The following TNNI2 variants were observed in gnomAD, a reference collection of about 807,000 sequenced individuals.
TNNI2 encodes the protein troponin I2, fast skeletal type.
Under a neutral mutation model 26.5 loss-of-function variants are expected in TNNI2, and 14 were observed. The ratio of observed to expected loss-of-function variants is 0.53; its 90% confidence interval spans 0.35 to 0.83. The LOEUF is 0.83. Ranked by LOEUF, TNNI2 falls within the 40% of genes least tolerant of loss-of-function variation. The pLI is 0.01. For synonymous variants in TNNI2, 126 were observed against 97.6 expected (o/e 1.29, Z -1.71); for missense variants, 205 against 248.5 (o/e 0.82, Z 1.18).
chr11:1,839,579 C>T (rs1847118145), intron 1 of TNNI2, 96 bp from the exon 2 acceptor site: 2 of 1,342,686 alleles, frequency 1.5e-6, no homozygotes, highest in Non-Finnish European at 2.1e-6. Flanking sequence ...AGGGGGCTGT[C>T]ATCAGGAGCC....
Position 1,841,559 on chromosome 11 carries a change from G to A in TNNI2, c.*8G>A, listed in dbSNP as rs770122157. The A allele has an allele frequency of 1.3e-5, 21 of 1,613,504 alleles. No homozygotes were observed. The highest frequency in any genetic ancestry group is 1.6e-4 in the Middle Eastern group (1 of 6,062). Reference sequence around the variant, plus strand: ...TTTGAGTCCGAGTCCTAGGCCACTCGCTGCCCCTACGCCTGCCCCGGTGCC... The same window carrying A: ...TTTGAGTCCGAGTCCTAGGCCACTCACTGCCCCTACGCCTGCCCCGGTGCC... On this transcript the variant is annotated 3_prime_UTR_variant, in exon 8 of 8. Coordinates refer to ENST00000381911, the MANE Select transcript of TNNI2 (RefSeq NM_003282.4).
At position 1,841,171 on chromosome 11, in the gene TNNI2, C is replaced by T. The variant is rs1157017999; in HGVS notation, c.417C>T (p.Ala139=). ...ACAAGGTGTGCATGGACCTGAGGGC[C>T]AACCTGAAGCAGGTCAAGAAGGAGG... The part of the protein sequence containing the change: ...SKHKVCMDLR[A]NLKQVKKEDT... Residue 139 remains alanine, a synonymous_variant, in exon 7 of 8, where the codon GCC becomes GCT. Transcript: ENST00000381911. The T allele has an allele frequency of 1.9e-6, 3 of 1,613,034 alleles. No individual in the cohort carries two copies. The Admixed American group carries it at 5.0e-5, about 27-fold the overall frequency.
chr11:1,840,533 G>A lies in TNNI2; in HGVS notation c.63G>A (p.Val21=). ...CACCGCCTGCCCCACCGCAGAGTGT[G>A]ATGCTGCAGATAGCGGCCACGGAGC... ...ITARRQHLKS[V]MLQIAATELE... The change falls in exon 5 of 8, where the codon GTG becomes GTA. Residue 21 remains valine, a synonymous_variant. Coordinates refer to ENST00000381911, the MANE Select transcript of TNNI2 (RefSeq NM_003282.4). 1 of 1,612,298 alleles carries A rather than the reference G, an allele frequency of 6.2e-7. No individual in the cohort carries two copies. Among genetic ancestry groups the A allele is most frequent in the Non-Finnish European group, 8.5e-7 (1 of 1,179,712 alleles).
At chr11:1,840,122 C>A (rs567325441) in intron 3 of TNNI2, 15 of 1,323,070 alleles carry the variant, frequency 1.1e-5, no homozygotes, top group Non-Finnish European at 1.5e-5. Context: ...CCCGCCCCCA[C>A]CTCACCGGCC....
intron 1 of TNNI2, chr11:1,839,431 A>G: frequency 3.3e-6 from 1 of 303,174 alleles, no homozygotes; most frequent in Non-Finnish European, 6.7e-6. Context: ...CCTCGGGGAC[A>G]GCTGCAGCTC....
At position 1,841,180 on chromosome 11, in the gene TNNI2, G is replaced by A. The variant is rs1266299899; in HGVS notation, c.426G>A (p.Lys142=). 6.2e-7 allele frequency: 1 copy of A among 1,612,964 alleles called. No homozygotes were observed. The highest frequency in any genetic ancestry group is 8.5e-7 in the Non-Finnish European group (1 of 1,179,998). The change falls in exon 7 of 8, where the codon AAG becomes AAA. Residue 142 remains lysine (K), a synonymous_variant. Transcript: ENST00000381911. The part of the protein sequence containing the change: ...KVCMDLRANL[K]QVKKEDTEKE... ...GCATGGACCTGAGGGCCAACCTGAA[G>A]CAGGTCAAGAAGGAGGACACAGAGA...
intron 3 of TNNI2, chr11:1,840,102 T>G: frequency 1.0e-5 from 12 of 1,183,926 alleles, no homozygotes; most frequent in Middle Eastern, 1.9e-4. Context: ...TCTTTCTGAT[T>G]CCTGCACTTC....
chr11:1,841,211 C>G lies in TNNI2; in HGVS notation c.453+4C>G, dbSNP rs772401774. On this transcript the variant is annotated splice_donor_region_variant and intron_variant, in intron 7 of 7. Coordinates refer to ENST00000381911, the MANE Select transcript of TNNI2 (RefSeq NM_003282.4). ...CAAGAAGGAGGACACAGAGAAGGTG[C>G]GTGCCACGGGGGGAGCACCACCACA... is the stretch of plus-strand genomic sequence containing the variant. 6.2e-7 allele frequency: 1 copy of G among 1,611,036 alleles called. No individual in the cohort carries two copies. Among genetic ancestry groups the G allele is most frequent in the Non-Finnish European group, 8.5e-7 (1 of 1,179,880 alleles).
Position 1,840,140 on chromosome 11 carries a change from C to T in TNNI2, c.16-263C>T, listed in dbSNP as rs556098649. 4.0e-6 allele frequency: 6 copies of T among 1,487,894 alleles called. No individual in the cohort carries two copies. The East Asian group carries it at 1.2e-4, about 30-fold the overall frequency. The allele number at this position is 1,487,894 out of a possible 1,614,324, so 92.2% of individuals were successfully genotyped here. A position where few individuals can be genotyped will look rare whatever the true frequency, so the allele number is the denominator to read the frequency against. ...GCCCCCACCTCACCGGCCGACCTGC[C>T]CCCAACTGGCCCTCCTCTCCCCCAG... is the stretch of plus-strand genomic sequence containing the variant. On this transcript the variant is annotated intron_variant, in intron 3 of 7. Transcript: ENST00000381911.
intron 7 of TNNI2, 99 bp downstream of exon 7, chr11:1,841,306 G>C: frequency 6.4e-7 from 1 of 1,552,618 alleles, no homozygotes; most frequent in Non-Finnish European, 8.8e-7. Flanking sequence ...CTGCCCTGCC[G>C]GGGGCCCTGT....
At chr11:1,839,495 C>A in intron 1 of TNNI2, 180 bp from the exon 2 acceptor site, 1 of 619,700 alleles carries the variant, frequency 1.6e-6, no homozygotes, top group Non-Finnish European at 2.8e-6. Flanking sequence ...ACTTCTCACC[C>A]TGGGGAATTC....
Position 1,840,587 on chromosome 11 carries a change from A to G in TNNI2, c.117A>G (p.Ala39=), listed in dbSNP as rs755978499. The change falls in exon 5 of 8, where the codon GCA becomes GCG. Residue 39 remains alanine, a synonymous_variant. Coordinates refer to ENST00000381911, the MANE Select transcript of TNNI2 (RefSeq NM_003282.4). ...ELEKEESRRE[A]EKQNYLAEHC... ...AGAAGGAGGAGAGCCGCCGTGAGGC[A>G]GAGAAGCAGAACTACCTGGCGGAGC... The G allele has an allele frequency of 6.2e-7, 1 of 1,612,820 alleles. No homozygotes were observed. Among genetic ancestry groups the G allele is most frequent in the South Asian group, 1.1e-5 (1 of 91,088 alleles).
At position 1,841,477 on chromosome 11, in the gene TNNI2, G is replaced by C. The variant is rs1475606854; in HGVS notation, c.475G>C (p.Gly159Arg). ...ACAGGAGCGGGACCTGCGAGACGTG[G>C]GTGACTGGAGGAAGAACATCGAGGA... ...TEKERDLRDV[G>R]DWRKNIEEKS... Residue 159 changes from glycine (G) to arginine (R), a missense_variant, in exon 8 of 8, where the codon GGT becomes CGT. Gly to Arg is a moderately radical substitution (Grantham distance 125). Coordinates refer to ENST00000381911, the MANE Select transcript of TNNI2 (RefSeq NM_003282.4). 6.2e-7 allele frequency: 1 copy of C among 1,614,138 alleles called. No individual in the cohort carries two copies. The highest frequency in any genetic ancestry group is 1.1e-5 in the South Asian group (1 of 91,082).
chr11:1,841,444 T>C lies in TNNI2; in HGVS notation c.454-12T>C. ...GGTGAGCCTGAGCTCTCTCCTGCCC[T>C]CTCCTCCACAGGAGCGGGACCTGCG... On this transcript the variant is annotated splice_polypyrimidine_tract_variant and intron_variant, in intron 7 of 7. Coordinates refer to ENST00000381911, the MANE Select transcript of TNNI2 (RefSeq NM_003282.4). 6.2e-7 allele frequency: 1 copy of C among 1,612,896 alleles called. No individual in the cohort carries two copies. Among genetic ancestry groups the C allele is most frequent in the Non-Finnish European group, 8.5e-7 (1 of 1,179,034 alleles).
intron 7 of TNNI2, 43 bp downstream of exon 7, chr11:1,841,250 G>A: frequency 6.2e-7 from 1 of 1,601,686 alleles, no homozygotes. Context: ...ACCCTGCCGG[G>A]GAAGCACCTC....
chr11:1,840,966 G>A (rs1448459505), intron 6 of TNNI2, 58 bp downstream of exon 6: 27 of 1,573,892 alleles, frequency 1.7e-5, no homozygotes, highest in South Asian at 9.1e-5. Flanking sequence ...GCGGGCAGGC[G>A]GGGCGGGCCG....
At chr11:1,839,170 G>T (rs536615687) in intron 1 of TNNI2, 137 bp downstream of exon 1, 33 of 159,132 alleles carry the variant, frequency 2.1e-4, no homozygotes, top group Non-Finnish European at 4.1e-4. Context: ...GCACGGGTCC[G>T]GGAGTGAGAA....
rs1477374322 is a variant in TNNI2, at chr11:1,840,611, G to A, written c.141G>A (p.Glu47=). ...CAGAGAAGCAGAACTACCTGGCGGA[G>A]CACTGCCCGCCGCTGCATATCCCGG... ...REAEKQNYLA[E]HCPPLHIPGS... The change falls in exon 5 of 8, where the codon GAG becomes GAA. Residue 47 remains glutamate (E), a synonymous_variant. Coordinates refer to ENST00000381911, the MANE Select transcript of TNNI2 (RefSeq NM_003282.4). The A allele has an allele frequency of 6.2e-7, 1 of 1,612,774 alleles. No individual in the cohort carries two copies. The highest frequency in any genetic ancestry group is 1.1e-5 in the South Asian group (1 of 91,092).
chr11:1,839,903 C>T (rs1197980732), intron 3 of TNNI2, 48 bp downstream of exon 3: 2 of 1,612,464 alleles, frequency 1.2e-6, no homozygotes, highest in Non-Finnish European at 8.5e-7. Context: ...GGGGCTCCCC[C>T]AACTCAGCAT....
Sources: allele counts gnomAD v4.1 joint callset, GRCh38; gene constraint gnomAD v4.1.1; transcripts MANE v1.5; gene names NCBI Gene and HGNC (gene_info 2026-07-23, HGNC 2026-07-21).